Variants in TMEM273 observed in about 807,000 individuals in gnomAD.
TMEM273 encodes chromosome 10 open reading frame 128.
A neutral mutation model predicts 17.9 loss-of-function variants in TMEM273; 19 were observed. The ratio of observed to expected loss-of-function variants is 1.06; its 90% CI spans 0.74 to 1.55. TMEM273 has a LOEUF of 1.55. TMEM273 is among the 40% of genes most tolerant of loss of function. The pLI is 0.00. For missense variants in TMEM273, 194 were observed against 155.6 expected, an observed-to-expected ratio of 1.25 and a Z score of -1.31; for synonymous variants, 66 against 62.0, an observed-to-expected ratio of 1.07 and a Z score of -0.31.
chr10:49,172,879 C>G (rs1024760684), intron 1 of TMEM273, among the ~76,000 whole-genome samples: 8 of 152,236 alleles, frequency 5.3e-5, no homozygotes, highest in African/African-American at 1.9e-4. Context: ...AGGAGGCACT[C>G]CACGTGACTC....
intron 1 of TMEM273, among the ~76,000 whole-genome samples, chr10:49,175,099 A>G (rs1204132338): frequency 1.3e-5 from 2 of 152,084 alleles, no homozygotes; most frequent in Admixed American, 6.5e-5. Flanking sequence ...GTGCCCAGAC[A>G]GGGAATGTGA....
intron 6 of TMEM273, among the ~76,000 whole-genome samples, chr10:49,157,392 G>T (rs1184025495): frequency 6.6e-6 from 1 of 152,220 alleles, no homozygotes; most frequent in African/African-American, 2.4e-5. Context: ...GGTACTCCGG[G>T]CTGGCATCAT....
chr10:49,163,844 T>G (rs1347471166), intron 5 of TMEM273, among the ~76,000 whole-genome samples: 1 of 152,118 alleles, frequency 6.6e-6, no homozygotes, highest in Non-Finnish European at 1.5e-5. Context: ...TCAAAAAAAG[T>G]GAACTTCTCA....
At position 49,165,239 on chromosome 10, in the gene TMEM273, T is replaced by G. The variant is rs994329179; in HGVS notation, c.314A>C (p.Gln105Pro). The change falls in exon 5 of 7, where the codon CAG becomes CCG. Residue 105 changes from glutamine to proline, a missense_variant. Coordinates refer to ENST00000374153, the MANE Select transcript of TMEM273 (RefSeq NM_001288740.3). ...GCCCTCCATGATGCAGTGGTGACAC[T>G]GAAGCAGGGATTTGAAGGAAAAGAG... Reference protein sequence around the residue: ...STLFSFKSLLQCHHCIMEGLF... With the variant: ...STLFSFKSLLPCHHCIMEGLF... The G allele has an allele frequency of 7.7e-6, 12 of 1,550,534 alleles. No homozygotes were observed. In the East Asian group the frequency reaches 2.9e-4, roughly 38 times the overall value.
At chr10:49,170,302 T>C (rs984327267) in intron 1 of TMEM273, among the ~76,000 whole-genome samples, 4 of 152,108 alleles carry the variant, frequency 2.6e-5, no homozygotes, top group Non-Finnish European at 5.9e-5. Flanking sequence ...TCCAACAGCA[T>C]CACGGTCTCC....
At chr10:49,175,361 C>T (rs578078653) in intron 1 of TMEM273, among the ~76,000 whole-genome samples, 10 of 152,184 alleles carry the variant, frequency 6.6e-5, no homozygotes, top group Non-Finnish European at 1.2e-4. Flanking sequence ...CTTTTCTCCT[C>T]GCCGCACGCC....
In TMEM273 at chr10:49,165,188, T is replaced by C. The variant is rs1343149748; in HGVS notation, c.348+17A>G. The C allele has an allele frequency of 1.3e-6, 2 of 1,536,004 alleles. No homozygotes were observed. Among genetic ancestry groups the C allele is most frequent in the East Asian group, 4.9e-5 (2 of 40,494 alleles). On this transcript the variant is annotated intron_variant, in intron 5 of 6. Coordinates refer to ENST00000374153, the MANE Select transcript of TMEM273 (RefSeq NM_001288740.3). The stretch of plus-strand genomic sequence containing the variant: ...AAAGAGAAGAGAATGGTGGCTGGAG[T>C]CGAGAGGGGATTGTACCTTAAATAG...
intron 3 of TMEM273, 112 bp downstream of exon 3, chr10:49,166,757 C>G: frequency 1.3e-6 from 2 of 1,499,674 alleles, no homozygotes; most frequent in Non-Finnish European, 9.2e-7. Flanking sequence ...TCCTTTACAG[C>G]CTGTTGGGCT....
At chr10:49,174,106 G>C (rs1481367141) in intron 1 of TMEM273, among the ~76,000 whole-genome samples, 1 of 152,204 alleles carries the variant, frequency 6.6e-6, no homozygotes, top group African/African-American at 2.4e-5. Context: ...ACATATAAAA[G>C]ACTCACCAGA....
Position 49,165,781 on chromosome 10 carries a change from T to C in TMEM273, c.254A>G (p.Lys85Arg). The C allele has an allele frequency of 6.2e-7, 1 of 1,614,156 alleles. No individual in the cohort carries two copies. Among genetic ancestry groups the C allele is most frequent in the Non-Finnish European group, 8.5e-7 (1 of 1,180,020 alleles). ...GTGACCTTACCTTGGGGCTCTCTTC[T>C]TTAGCGGGATGGTGTCTAAACAGAG... is the stretch of plus-strand genomic sequence containing the variant. ...PGGLSDTIPL[K>R]KRAPRKLQAS... The change falls in exon 4 of 7, where the codon AAG becomes AGG. Residue 85 changes from lysine (K) to arginine (R), a missense_variant. Transcript: ENST00000374153.
intron 6 of TMEM273, chr10:49,160,693 G>A (rs1845788158): frequency 6.6e-6 from 1 of 152,016 alleles, no homozygotes; most frequent in Non-Finnish European, 1.5e-5. Flanking sequence ...TACACAATAG[G>A]AAACACAATG....
intron 3 of TMEM273, 106 bp downstream of exon 3, chr10:49,166,763 G>T: frequency 1.3e-6 from 2 of 1,521,970 alleles, no homozygotes; most frequent in Non-Finnish European, 9.0e-7. Flanking sequence ...ACAGCCTGTT[G>T]GGCTCTGCGC....
In TMEM273 at chr10:49,155,699, G is replaced by A; in HGVS notation, c.*193C>T. ...TCTGTGCAGTCCGTTTCTTCCAGAAGAGGCATGATATTTTCCTTCAGGACA... is the reference window on the plus strand; with the variant it reads ...TCTGTGCAGTCCGTTTCTTCCAGAAAAGGCATGATATTTTCCTTCAGGACA... On this transcript the variant is annotated 3_prime_UTR_variant, in exon 7 of 7. Transcript: ENST00000374153. 1 of 724,650 alleles carries A rather than the reference G, an allele frequency of 1.4e-6. No individual in the cohort carries two copies. Among genetic ancestry groups the A allele is most frequent in the African/African-American group, 1.8e-5 (1 of 56,620 alleles). The allele number at this position is 724,650 out of a possible 1,614,324, so 44.9% of individuals were successfully genotyped here.
chr10:49,178,340 T>C (rs1290019460), intron 1 of TMEM273: 2 of 456,354 alleles, frequency 4.4e-6, no homozygotes, highest in South Asian at 1.5e-5. Context: ...CGGGCAATAA[T>C]TGACTCAAAC....
At chr10:49,186,075 G>GAAGAAGAAT in intron 1 of TMEM273, among the ~76,000 whole-genome samples, 3 of 140,260 alleles carry the variant, frequency 2.1e-5, no homozygotes, top group Admixed American at 7.0e-5. Flanking sequence ...AGAGGAAGAA[G>GAAGAAGAAT]AAGAAGAAGA....
intron 1 of TMEM273, among the ~76,000 whole-genome samples, chr10:49,176,943 C>A (rs1208461428): frequency 6.6e-6 from 1 of 152,232 alleles, no homozygotes; most frequent in Non-Finnish European, 1.5e-5. Context: ...AGATCAAGCC[C>A]CACGCATGGT....
At chr10:49,176,148 A>G (rs76248473) in intron 1 of TMEM273, among the ~76,000 whole-genome samples, 4,271 of 152,290 alleles carry the variant, frequency 0.028, 81 homozygotes, top group South Asian at 0.065. Context: ...CCCCGGAAGG[A>G]GTGTGTGCAC....
chr10:49,167,738 C>A (rs557155798), intron 2 of TMEM273, among the ~76,000 whole-genome samples, 171 bp downstream of exon 2: 17 of 152,196 alleles, frequency 1.1e-4, no homozygotes, highest in Admixed American at 2.0e-4. Context: ...AAGGCCTTTC[C>A]CCCGAAATAA....
At chr10:49,183,872 G>A (rs907190364) in intron 1 of TMEM273, among the ~76,000 whole-genome samples, 5 of 151,972 alleles carry the variant, frequency 3.3e-5, no homozygotes, top group African/African-American at 7.3e-5. Flanking sequence ...TGAATTAAGG[G>A]CCAAAATGAT....
Sources: allele counts gnomAD v4.1 joint callset (sites outside exome capture counted in the v4.1 genomes callset), GRCh38; gene constraint gnomAD v4.1.1; transcripts MANE v1.5; gene names NCBI Gene and HGNC (gene_info 2026-07-23, HGNC 2026-07-21).